Variants in SCARA3 observed in about 807,000 individuals in gnomAD.
SCARA3 encodes cellular stress response gene protein.
In SCARA3, 39 loss-of-function variants were observed where a neutral mutation model predicts 47.0. The ratio of observed to expected loss-of-function variants is 0.83; its 90% confidence interval spans 0.64 to 1.08. The LOEUF (loss-of-function observed/expected upper bound fraction) is 1.08, where lower values mean the gene tolerates loss of function less well. Ranked by LOEUF, SCARA3 falls within the 50% of genes least tolerant of loss-of-function variation. SCARA3 has a pLI of 0.00. For synonymous variants in SCARA3, 356 were observed against 334.1 expected (o/e 1.07, Z -0.71); for missense variants, 724 against 792.3 (o/e 0.91, Z 1.04).
chr8:27,690,114 C>T, the SCARA3 span, among the ~76,000 whole-genome samples: 49 of 152,302 alleles, frequency 3.2e-4, no homozygotes, highest in African/African-American at 1.2e-3. Flanking sequence ...TTTCTAGCCC[C>T]TTCTGATCTT....
At position 27,671,754 on chromosome 8, in the gene SCARA3, GCA is replaced by G. The variant is rs1362919580; in HGVS notation, c.*410_*411del. 3.0e-6 allele frequency: 3 copies of G among 1,008,716 alleles called. No individual in the cohort carries two copies. Among genetic ancestry groups the G allele is most frequent in the Non-Finnish European group, 3.5e-6 (3 of 845,758 alleles). 62.5% of individuals were successfully genotyped at this position (1,008,716 alleles called of 1,614,324 possible). ...CACACATGCACACATATATGCACAGGCACACACATGTACGCACACACACATGC... is the reference window on the plus strand; with the variant it reads ...CACACATGCACACATATATGCACAGGCACACATGTACGCACACACACATGC... On this transcript the variant is annotated 3_prime_UTR_variant, in exon 6 of 6. Transcript: ENST00000301904.
At chr8:27,727,829 T>A in the SCARA3 span, among the ~76,000 whole-genome samples, 1 of 152,180 alleles carries the variant, frequency 6.6e-6, no homozygotes, top group East Asian at 1.9e-4. Flanking sequence ...ACACAATGCA[T>A]GATATACAGA....
chr8:27,711,323 T>C, the SCARA3 span, among the ~76,000 whole-genome samples: 2 of 152,238 alleles, frequency 1.3e-5, no homozygotes, highest in Non-Finnish European at 2.9e-5. Context: ...GTATTGCATC[T>C]TCACTTACTA....
the SCARA3 span, among the ~76,000 whole-genome samples, chr8:27,719,476 C>T: frequency 4.6e-5 from 7 of 151,190 alleles, no homozygotes; most frequent in East Asian, 1.9e-4. Context: ...CAACAAACTT[C>T]TATGACAAGT....
Position 27,671,601 on chromosome 8 carries a change from C to A in SCARA3, c.*250C>A. On this transcript the variant is annotated 3_prime_UTR_variant, in exon 6 of 6. Coordinates refer to ENST00000301904, the MANE Select transcript of SCARA3 (RefSeq NM_016240.3). The stretch of plus-strand genomic sequence containing the variant: ...ACATGCACACATACACGCACATGCA[C>A]ACATACACATGCATGCACACATACA... 1.6e-6 allele frequency: 2 copies of A among 1,233,346 alleles called. No individual in the cohort carries two copies. The highest frequency in any genetic ancestry group is 2.0e-6 in the Non-Finnish European group (2 of 988,392). 76.4% of individuals were successfully genotyped at this position (1,233,346 alleles called of 1,614,324 possible).
At chr8:27,636,329 C>G (rs528281009) in intron 1 of SCARA3, among the ~76,000 whole-genome samples, 2 of 152,126 alleles carry the variant, frequency 1.3e-5, no homozygotes, top group Non-Finnish European at 2.9e-5. Flanking sequence ...TCTAGCTACT[C>G]CGGAGCCCGA....
chr8:27,646,963 ACCGCCC>A (rs796763373), intron 1 of SCARA3, among the ~76,000 whole-genome samples: 70 of 26,470 alleles, frequency 2.6e-3, no homozygotes, highest in East Asian at 5.9e-3. Flanking sequence ...CGCACCCCTG[ACCGCCC>A]CCGCCCCCCC....
the SCARA3 span, among the ~76,000 whole-genome samples, chr8:27,693,442 T>C: frequency 1.3e-5 from 2 of 152,234 alleles, no homozygotes; most frequent in East Asian, 3.8e-4. Flanking sequence ...TACCTTTTGA[T>C]CACATTTCTT....
chr8:27,651,544 A>G lies in SCARA3; in HGVS notation c.143A>G (p.Asn48Ser). 3 of 1,613,786 alleles carry G rather than the reference A, an allele frequency of 1.9e-6. No homozygotes were observed. Among genetic ancestry groups the G allele is most frequent in the Non-Finnish European group, 2.5e-6 (3 of 1,179,990 alleles). ...PGPRCSRCQK[N>S]LSLHTSVRIL... ...CCCCGCTGCAGCCGCTGCCAGAAGA[A>G]CCTATCTTTGCACACATCGGTGCGG... The change falls in exon 3 of 6, where the codon AAC (asparagine) becomes AGC (serine). Residue 48 changes from asparagine (N) to serine (S), a missense_variant. Asn to Ser is a conservative substitution (Grantham distance 46, BLOSUM62 1). Coordinates refer to ENST00000301904, the MANE Select transcript of SCARA3 (RefSeq NM_016240.3).
chr8:27,691,960 T>C, the SCARA3 span, among the ~76,000 whole-genome samples: 1 of 151,902 alleles, frequency 6.6e-6, no homozygotes, highest in African/African-American at 2.4e-5. Context: ...AAAATAAAGT[T>C]CCAAACCCCC....
chr8:27,733,921 C>T, the SCARA3 span: 4 of 152,144 alleles, frequency 2.6e-5, no homozygotes, highest in Non-Finnish European at 5.9e-5. Context: ...AAACTCTCCC[C>T]GTCTAATCCT....
chr8:27,635,707 C>G (rs1050643021), intron 1 of SCARA3, among the ~76,000 whole-genome samples: 2 of 151,974 alleles, frequency 1.3e-5, no homozygotes, highest in Non-Finnish European at 2.9e-5. Context: ...CCTCCCACCT[C>G]AGCCTCCTAA....
chr8:27,652,104 A>C (rs1801645755), intron 3 of SCARA3, among the ~76,000 whole-genome samples: 1 of 152,218 alleles, frequency 6.6e-6, no homozygotes, highest in Non-Finnish European at 1.5e-5. Context: ...GCCTACCTGC[A>C]GCAATTTCAC....
rs551604647 is a variant in SCARA3, at chr8:27,658,413, A to G, written c.326-83A>G. The G allele has an allele frequency of 1.2e-5, 16 of 1,322,348 alleles. No homozygotes were observed. In the African/African-American group the frequency reaches 2.2e-4, roughly 18 times the overall value. 81.9% of individuals were successfully genotyped at this position (1,322,348 alleles called of 1,614,324 possible). A position where few individuals can be genotyped will look rare whatever the true frequency, so the allele number is the denominator to read the frequency against. On this transcript the variant is annotated intron_variant, in intron 4 of 5. Transcript: ENST00000301904. ...TTGGGAAGCTACTAACCAATTTCTT[A>G]TGCTCTGAAATATTTAATTTAAAGA...
intron 1 of SCARA3, among the ~76,000 whole-genome samples, chr8:27,638,594 G>A (rs1018838340): frequency 6.6e-6 from 1 of 152,122 alleles, no homozygotes; most frequent in Non-Finnish European, 1.5e-5. Flanking sequence ...AGAACCTCAC[G>A]CAGGCATTCC....
chr8:27,645,908 A>G (rs897090984), intron 1 of SCARA3, among the ~76,000 whole-genome samples: 1 of 152,330 alleles, frequency 6.6e-6, no homozygotes, highest in Non-Finnish European at 1.5e-5. Flanking sequence ...TTATTCATCC[A>G]TACATATTCT....
intron 2 of SCARA3, among the ~76,000 whole-genome samples, chr8:27,650,934 T>G (rs1801617750): frequency 6.6e-6 from 1 of 152,064 alleles, no homozygotes; most frequent in Admixed American, 6.5e-5. Flanking sequence ...TATGTTGCCT[T>G]GGCTGGCCTC....
chr8:27,669,038 G>T (rs749537997), intron 5 of SCARA3, among the ~76,000 whole-genome samples: 3 of 152,122 alleles, frequency 2.0e-5, no homozygotes, highest in Non-Finnish European at 4.4e-5. Flanking sequence ...CTGGAGATGG[G>T]GATTGTGAAC....
downstream of SCARA3, among the ~76,000 whole-genome samples, chr8:27,675,635 C>G (rs1802263839): frequency 6.6e-6 from 1 of 152,036 alleles, no homozygotes; most frequent in African/African-American, 2.4e-5. Context: ...ACTGAAAATA[C>G]AAAAATTAAC....
Sources: allele counts gnomAD v4.1 joint callset (sites outside exome capture counted in the v4.1 genomes callset), GRCh38; gene constraint gnomAD v4.1.1; transcripts MANE v1.5; gene names NCBI Gene and HGNC (gene_info 2026-07-23, HGNC 2026-07-21).